VWF: variants seen among roughly 807,000 people sequenced by gnomAD.
VWF encodes von Willebrand factor, also known as Factor VIII related antigen.
A neutral mutation model predicts 308.6 loss-of-function variants in VWF; 176 were observed. That is an observed-to-expected ratio of 0.57 (90% CI 0.50 to 0.65). The LOEUF (loss-of-function observed/expected upper bound fraction) is 0.65, where lower values mean the gene tolerates loss of function less well. VWF is among the 30% of genes least tolerant of loss of function. The pLI, the probability that VWF is intolerant of heterozygous loss-of-function variation, is 0.00. For synonymous variants in VWF, 1,385 were observed against 1,443.4 expected (o/e 0.96, Z 0.92); for missense variants, 3,146 against 3,648.2 (o/e 0.86, Z 3.55).
rs773954330 is a variant in VWF, at chr12:6,052,565, A to T, written c.2164T>A (p.Phe722Ile). 6.2e-7 allele frequency: 1 copy of T among 1,614,102 alleles called. No homozygotes were observed. Among genetic ancestry groups the T allele is most frequent in the Admixed American group, 1.7e-5 (1 of 60,008 alleles). Residue 722 changes from phenylalanine (F) to isoleucine (I), a missense_variant, in exon 16 of 52, where the codon TTC becomes ATC. Physicochemically the swap from Phe to Ile is conservative, Grantham distance 21 (BLOSUM62 0). Around this residue, in one of 3 missense-constraint regions of VWF, gnomAD observed 1,304 missense variants for 1,353.0 expected, o/e 0.96. Coordinates refer to ENST00000261405, the MANE Select transcript of VWF (RefSeq NM_000552.5). ...DGEIFQPEDIFSDHHTMCYCE... is the reference protein window; with the variant it reads ...DGEIFQPEDIISDHHTMCYCE... ...TACCACATGGTGTGATGGTCTGAGA[A>T]GATGTCTTCTGGCTGGAAGATCTCA...
At chr12:5,983,973 T>TA (rs1943643838) in intron 40 of VWF, among the ~76,000 whole-genome samples, 2 of 137,464 alleles carry the variant, frequency 1.5e-5, no homozygotes, top group African/African-American at 2.8e-5. Flanking sequence ...GATGGATAGA[T>TA]GGATAGATAG....
chr12:6,083,114 C>T (rs1032701821), intron 6 of VWF, among the ~76,000 whole-genome samples: 1 of 152,190 alleles, frequency 6.6e-6, no homozygotes, highest in African/African-American at 2.4e-5. Flanking sequence ...CAACCCATCA[C>T]TTTCAAAGCG....
chr12:6,019,636 T>C lies in VWF; in HGVS notation c.3782A>G (p.Asp1261Gly), dbSNP rs751720834. The C allele has an allele frequency of 3.7e-6, 6 of 1,613,742 alleles. No homozygotes were observed. In the South Asian group the frequency reaches 5.5e-5, roughly 15 times the overall value. The change falls in exon 28 of 52, where the codon GAC (aspartate) becomes GGC (glycine). Residue 1261 changes from aspartate (D) to glycine (G), a missense_variant. This residue lies in a region of VWF where 853 missense variants were observed against 1,177.8 expected (regional missense o/e 0.72). Coordinates refer to ENST00000261405, the MANE Select transcript of VWF (RefSeq NM_000552.5). This position sits in a 1 kb window ranked among gnomAD's most constrained non-coding sequence, Gnocchi z 5.8. ...ATCGTGCAACGGCGGTTCCGAGATG[T>C]CCTCCACATACAGAGTGGTGGGGCT... ...PVSPTTLYVEDISEPPLHDFY... is the reference protein window; with the variant it reads ...PVSPTTLYVEGISEPPLHDFY...
chr12:6,098,507 A>T (rs1393025542), intron 5 of VWF, among the ~76,000 whole-genome samples: 4 of 152,196 alleles, frequency 2.6e-5, no homozygotes, highest in Non-Finnish European at 5.9e-5. Flanking sequence ...AGCCTGGCGC[A>T]GTGGTTCATG....
At chr12:6,086,331 T>C (rs956253772) in intron 6 of VWF, among the ~76,000 whole-genome samples, 4 of 152,080 alleles carry the variant, frequency 2.6e-5, no homozygotes, top group Non-Finnish European at 5.9e-5. Flanking sequence ...AAGACACGTG[T>C]GTACTTATTG....
chr12:6,031,420 GGGT>G, intron 21 of VWF, 21 bp downstream of exon 21: 1 of 1,614,110 alleles, frequency 6.2e-7, no homozygotes, highest in Non-Finnish European at 8.5e-7. Flanking sequence ...CGGGACATGA[GGGT>G]GGAGATGAGG....
chr12:6,033,455 G>A (rs1233344882), intron 20 of VWF, among the ~76,000 whole-genome samples: 1 of 152,244 alleles, frequency 6.6e-6, no homozygotes, highest in Non-Finnish European at 1.5e-5. Flanking sequence ...CAGCTGTCTG[G>A]TCCTTGCTGC....
In VWF at chr12:6,111,575, G is replaced by A. The variant is rs114333594; in HGVS notation, c.221-607C>T. Among the ~76,000 whole-genome samples, 648 of 152,110 alleles carry A rather than the reference G, an allele frequency of 4.3e-3. 1 individual carries two copies. The highest frequency in any genetic ancestry group is 0.015 in the African/African-American group (617 of 41,502). On this transcript the variant is annotated intron_variant, in intron 3 of 51. Transcript: ENST00000261405. ...CTTTTTGTAGAGACAAGATCTCACC[G>A]TGTCGCCCAGGCTGGTCTTGAGCTC...
rs187439551 is a variant in VWF at position 6,124,544 on chromosome 12, A to G, written c.-124T>C. On this transcript the variant is annotated 5_prime_UTR_variant, in exon 1 of 52. Coordinates refer to ENST00000261405, the MANE Select transcript of VWF (RefSeq NM_000552.5). ...CTGCAAAGGCTCAATCAGGTCTGCT[A>G]CAGCTCCGGACTGTCTTGCTGTTAT... 6.6e-6 allele frequency: 1 copy of G among 152,524 alleles called. No individual in the cohort carries two copies. The highest frequency in any genetic ancestry group is 2.4e-5 in the African/African-American group (1 of 41,590). The allele number at this position is 152,524 out of a possible 1,614,324, so 9.4% of individuals were successfully genotyped here. A position where few individuals can be genotyped will look rare whatever the true frequency, so the allele number is the denominator to read the frequency against.
At chr12:5,983,884 GGATA>G (rs752083584) in intron 40 of VWF, among the ~76,000 whole-genome samples, 4 of 151,650 alleles carry the variant, frequency 2.6e-5, no homozygotes, top group African/African-American at 7.3e-5. Flanking sequence ...TAGATACATA[GGATA>G]GATAGAGACA....
At chr12:6,067,614 G>C (rs1375342086) in intron 10 of VWF, among the ~76,000 whole-genome samples, 1 of 152,212 alleles carries the variant, frequency 6.6e-6, no homozygotes, top group Non-Finnish European at 1.5e-5. Context: ...TGGGTGAGCT[G>C]CCAGGTAGCC....
chr12:6,104,551 GC>G (rs1945219469), intron 5 of VWF, among the ~76,000 whole-genome samples: 1 of 151,878 alleles, frequency 6.6e-6, no homozygotes, highest in Non-Finnish European at 1.5e-5. Flanking sequence ...AAAAAAATGA[GC>G]CGGACGTGGT....
At chr12:5,974,353 C>T (rs1182965355) in intron 43 of VWF, among the ~76,000 whole-genome samples, 1 of 152,118 alleles carries the variant, frequency 6.6e-6, no homozygotes, top group African/African-American at 2.4e-5. Context: ...GCACTCGATT[C>T]CCTAGAGCAA....
Position 6,076,144 on chromosome 12 carries a change from G to A in VWF, c.658-593C>T, listed in dbSNP as rs199838009. Among the ~76,000 whole-genome samples the A allele has an allele frequency of 9.2e-5, 14 of 152,096 alleles. No homozygotes were observed. In the East Asian group the frequency reaches 9.6e-4, roughly 10 times the overall value. ...CCAGTTCCCATCAGCAACAGCATGCGCTGATTCTGTGGAATGTCCCAGACA... is the reference window on the plus strand; with the variant it reads ...CCAGTTCCCATCAGCAACAGCATGCACTGATTCTGTGGAATGTCCCAGACA... On this transcript the variant is annotated intron_variant, in intron 6 of 51. Coordinates refer to ENST00000261405, the MANE Select transcript of VWF (RefSeq NM_000552.5).
intron 5 of VWF, among the ~76,000 whole-genome samples, chr12:6,106,875 CAA>C (rs201177758): frequency 0.018 from 635 of 34,710 alleles, 3 homozygotes; most frequent in African/African-American, 0.059. Context: ...AACTCCGACT[CAA>C]AAAAAAAAAA....
rs538542442 is a variant in VWF, at chr12:6,103,531, T to C, written c.532+6843A>G. On this transcript the variant is annotated intron_variant, in intron 5 of 51. Transcript: ENST00000261405. ...ATATATATACACACATATGTGTATA[T>C]ACACATATATGTATACACACACACA... Among the ~76,000 whole-genome samples the C allele has an allele frequency of 2.3e-5, 3 of 128,404 alleles. 1 individual carries two copies. The highest frequency in any genetic ancestry group is 8.6e-5 in the African/African-American group (3 of 34,710). 84.2% of individuals were successfully genotyped at this position (128,404 alleles called of 152,430 possible).
intron 28 of VWF, among the ~76,000 whole-genome samples, chr12:6,018,107 A>G (rs1157344736): frequency 2.6e-5 from 4 of 151,904 alleles, no homozygotes; most frequent in Non-Finnish European, 5.9e-5. Context: ...AAATGTTAAC[A>G]ATAGGCTTCC....
At chr12:6,049,709 T>A (rs754995593) in intron 16 of VWF, among the ~76,000 whole-genome samples, 1 of 152,230 alleles carries the variant, frequency 6.6e-6, no homozygotes, top group African/African-American at 2.4e-5. Flanking sequence ...CAGTGTTGTT[T>A]TAAGGTCCCA....
At chr12:6,016,011 ACCCCAG>A in intron 31 of VWF, 72 bp downstream of exon 31, 1 of 1,590,844 alleles carries the variant, frequency 6.3e-7, no homozygotes, top group Non-Finnish European at 8.6e-7. Context: ...TCCAAAAGTA[ACCCCAG>A]CCCACTTTTA....
Sources: allele counts gnomAD v4.1 joint callset (sites outside exome capture counted in the v4.1 genomes callset), GRCh38; gene constraint gnomAD v4.1.1; regional missense constraint gnomAD v4.1.1; non-coding constraint Gnocchi (gnomAD v3.1); transcripts MANE v1.5; gene names NCBI Gene and HGNC (gene_info 2026-07-23, HGNC 2026-07-21).